Variants in OTUD7A observed in about 807,000 individuals in gnomAD.
OTUD7A encodes OTU deubiquitinase 7A.
A neutral mutation model predicts 65.7 loss-of-function variants in OTUD7A; 12 were observed. The ratio of observed to expected loss-of-function variants is 0.18; its 90% confidence interval spans 0.12 to 0.30. The LOEUF is 0.30. OTUD7A is among the 10% of genes least tolerant of loss of function. The probability of loss-of-function intolerance (pLI) is 1.00; values close to 1 mark genes in which losing one functional copy is unlikely to be tolerated. For missense variants in OTUD7A, 1,148 were observed against 1,304.8 expected, an observed-to-expected ratio of 0.88 and a Z score of 1.85; for synonymous variants, 641 against 586.3, an observed-to-expected ratio of 1.09 and a Z score of -1.35.
rs113871427 is a variant in OTUD7A at position 31,669,272 on chromosome 15, G to A, written c.-99-12195C>T. Among the ~76,000 whole-genome samples the A allele has an allele frequency of 4.6e-3, 693 of 152,266 alleles. 3 individuals are homozygous for A. The highest frequency in any genetic ancestry group is 0.016 in the African/African-American group (666 of 41,540). ...GGTGGATAGGGAAGGCCCATCAGGT[G>A]GGGGCAGGGTTGGGTGTCGTAGTTC... On this transcript the variant is annotated intron_variant, in intron 1 of 12. Coordinates refer to ENST00000307050, the MANE Select transcript of OTUD7A (RefSeq NM_001382637.1).
At chr15:31,754,675 G>A (rs920600985) in intron 1 of OTUD7A, among the ~76,000 whole-genome samples, 11 of 151,722 alleles carry the variant, frequency 7.3e-5, no homozygotes, top group Admixed American at 3.9e-4. Flanking sequence ...TAAGTATTTC[G>A]GTTTATTTCT....
Position 31,596,237 on chromosome 15 carries a change from A to G in OTUD7A, c.152-26040T>C, listed in dbSNP as rs190127976. 2.9e-3 allele frequency among the ~76,000 whole-genome samples: 440 copies of G among 152,328 alleles called. 5 individuals carry two copies. The highest frequency in any genetic ancestry group is 0.01 in the African/African-American group (426 of 41,566). On this transcript the variant is annotated intron_variant, in intron 3 of 12. Coordinates refer to ENST00000307050, the MANE Select transcript of OTUD7A (RefSeq NM_001382637.1). ...GAGCTCCATATAAATGGAATCATGCAGTAAGTGTCTTCCGTGTCTCTCCTG... is the reference window on the plus strand; with the variant it reads ...GAGCTCCATATAAATGGAATCATGCGGTAAGTGTCTTCCGTGTCTCTCCTG...
Position 31,804,475 on chromosome 15 carries a change from GC to G in OTUD7A, c.-100+66031del, listed in dbSNP as rs1315631487. Among the ~76,000 whole-genome samples the G allele has an allele frequency of 2.6e-5, 4 of 152,124 alleles. No homozygotes were observed. The East Asian group carries it at 7.7e-4, about 29-fold the overall frequency. On this transcript the variant is annotated intron_variant, in intron 1 of 12. Coordinates refer to ENST00000307050, the MANE Select transcript of OTUD7A (RefSeq NM_001382637.1). ...GGACCAACCCCTCCCGAGGGACTAA[GC>G]CCCCTCCTCCCCTTTCTCCTCCATG...
intron 1 of OTUD7A, among the ~76,000 whole-genome samples, chr15:31,866,284 G>A (rs893743622): frequency 2.0e-5 from 3 of 152,222 alleles, no homozygotes; most frequent in African/African-American, 7.2e-5. Flanking sequence ...ACCTTGGCCA[G>A]CTGTAGCTGC....
chr15:31,724,097 G>T (rs1409290025), intron 1 of OTUD7A, among the ~76,000 whole-genome samples: 8 of 151,260 alleles, frequency 5.3e-5, no homozygotes. Context: ...AACTGCCTAT[G>T]TATATATTTC....
intron 8 of OTUD7A, among the ~76,000 whole-genome samples, chr15:31,525,680 G>A (rs925467027): frequency 2.6e-5 from 4 of 152,386 alleles, no homozygotes; most frequent in Middle Eastern, 3.4e-3. Context: ...TCAGGTTCCA[G>A]AGAATATGAA....
chr15:31,802,123 G>GTA (rs1178403106), intron 1 of OTUD7A, among the ~76,000 whole-genome samples: 1 of 135,282 alleles, frequency 7.4e-6, no homozygotes, highest in African/African-American at 2.7e-5. Flanking sequence ...GTGTGTGTGT[G>GTA]TGTGTGTGTG....
intron 5 of OTUD7A, among the ~76,000 whole-genome samples, chr15:31,540,785 C>T (rs528019823): frequency 2.0e-5 from 3 of 152,186 alleles, no homozygotes; most frequent in South Asian, 4.2e-4. Flanking sequence ...TTAAAAGGTA[C>T]CTTTATACAC....
chr15:31,807,443 A>T (rs1567033862), intron 1 of OTUD7A, among the ~76,000 whole-genome samples: 1 of 151,982 alleles, frequency 6.6e-6, no homozygotes, highest in Non-Finnish European at 1.5e-5. Flanking sequence ...CTTTTATTAA[A>T]CTCGTACATG....
chr15:31,851,623 C>T (rs532979316), intron 1 of OTUD7A, among the ~76,000 whole-genome samples: 1 of 152,218 alleles, frequency 6.6e-6, no homozygotes, highest in Admixed American at 6.5e-5. Context: ...GCAATAATAC[C>T]ATGATGGAGT....
At chr15:31,832,177 G>C (rs751327868) in intron 1 of OTUD7A, among the ~76,000 whole-genome samples, 9 of 152,230 alleles carry the variant, frequency 5.9e-5, no homozygotes, top group Admixed American at 2.0e-4. Context: ...GCTTGACCCA[G>C]AGGTATCTCA....
At chr15:31,508,473 C>T (rs1165256151) in intron 8 of OTUD7A, among the ~76,000 whole-genome samples, 1 of 152,238 alleles carries the variant, frequency 6.6e-6, no homozygotes, top group African/African-American at 2.4e-5. Flanking sequence ...CCTCAGCCTC[C>T]CCAGTAGCTG....
At chr15:31,670,632 C>T (rs534867632) in intron 1 of OTUD7A, among the ~76,000 whole-genome samples, 1 of 152,190 alleles carries the variant, frequency 6.6e-6, no homozygotes, top group South Asian at 2.1e-4. Context: ...GGGTTTGTTT[C>T]TTTCTTGTAA....
chr15:31,746,914 A>T (rs1465545246), intron 1 of OTUD7A, among the ~76,000 whole-genome samples: 1 of 152,146 alleles, frequency 6.6e-6, no homozygotes, highest in Non-Finnish European at 1.5e-5. Context: ...GGTGAGAGAA[A>T]ATTTCTGTAT....
rs1446027080 is a variant in OTUD7A at position 31,710,797 on chromosome 15, A to C, written c.-99-53720T>G. Among the ~76,000 whole-genome samples, 3 of 152,224 alleles carry C rather than the reference A, an allele frequency of 2.0e-5. No individual in the cohort carries two copies. The East Asian group carries it at 5.8e-4, about 29-fold the overall frequency. On this transcript the variant is annotated intron_variant, in intron 1 of 12. Coordinates refer to ENST00000307050, the MANE Select transcript of OTUD7A (RefSeq NM_001382637.1). Reference sequence around the variant, plus strand: ...TGTTTCTCCCTTTGCTGTCCATAGAAGCAGTCCCAGTCAATTTCTACAGCT... The same window carrying C: ...TGTTTCTCCCTTTGCTGTCCATAGACGCAGTCCCAGTCAATTTCTACAGCT...
intron 1 of OTUD7A, among the ~76,000 whole-genome samples, chr15:31,724,909 A>T (rs2141353107): frequency 6.6e-6 from 1 of 152,298 alleles, no homozygotes; most frequent in South Asian, 2.1e-4. Context: ...GGGGCACGAA[A>T]GCAAAGAAAT....
At chr15:31,798,379 G>A (rs1157466958) in intron 1 of OTUD7A, among the ~76,000 whole-genome samples, 3 of 152,246 alleles carry the variant, frequency 2.0e-5, no homozygotes, top group East Asian at 1.9e-4. Flanking sequence ...GTGTGCTCCC[G>A]ATGCCCCCTC....
At chr15:31,551,918 G>T (rs1888336936) in intron 5 of OTUD7A, among the ~76,000 whole-genome samples, 1 of 152,168 alleles carries the variant, frequency 6.6e-6, no homozygotes, top group Admixed American at 6.5e-5. Context: ...AATAATCCTG[G>T]TAGTTGATAT....
chr15:31,535,094 T>C (rs1887753636), intron 5 of OTUD7A, among the ~76,000 whole-genome samples: 1 of 152,226 alleles, frequency 6.6e-6, no homozygotes, highest in Non-Finnish European at 1.5e-5. Context: ...GAAAAACTTT[T>C]GGCAATTTCT....
Sources: gnomAD v4.1 joint callset for allele counts (sites outside exome capture counted in the v4.1 genomes callset) on GRCh38, gnomAD v4.1.1 for gene constraint, MANE v1.5 for transcripts, NCBI Gene and HGNC (gene_info 2026-07-23, HGNC 2026-07-21) for gene names.